Variants in UTP20 observed in about 807,000 individuals in gnomAD.
UTP20 encodes the protein UTP20 small subunit processome component.
A neutral mutation model predicts 329.5 loss-of-function variants in UTP20; 164 were observed. The ratio of observed to expected loss-of-function variants is 0.50; its 90% CI spans 0.44 to 0.57. UTP20 has a LOEUF of 0.57. Ranked by LOEUF, UTP20 falls within the 20% of genes least tolerant of loss-of-function variation. The pLI is 0.00. For synonymous variants in UTP20, 1,151 were observed against 1,159.3 expected (o/e 0.99, Z 0.14); for missense variants, 3,055 against 3,284.2 (o/e 0.93, Z 1.71).
At chr12:101,332,959 G>A (rs1354222809) in intron 27 of UTP20, among the ~76,000 whole-genome samples, 2 of 152,138 alleles carry the variant, frequency 1.3e-5, no homozygotes, top group Non-Finnish European at 2.9e-5. Context: ...GCTTTGTTTA[G>A]AATGTTCTGT....
chr12:101,384,467 T>G (rs1454870407), intron 60 of UTP20, among the ~76,000 whole-genome samples: 1 of 152,130 alleles, frequency 6.6e-6, no homozygotes, highest in Non-Finnish European at 1.5e-5. Context: ...CTTGAGGCTG[T>G]GAGGTCGAGG....
intron 26 of UTP20, 96 bp from the exon 27 acceptor site, chr12:101,329,145 G>T: frequency 9.4e-7 from 1 of 1,068,114 alleles, no homozygotes; most frequent in East Asian, 2.5e-5. Flanking sequence ...AGAAAATACT[G>T]TATTATTAAG....
intron 21 of UTP20, among the ~76,000 whole-genome samples, chr12:101,313,352 AAGTC>A (rs1593428648): frequency 6.6e-6 from 1 of 152,148 alleles, no homozygotes; most frequent in East Asian, 1.9e-4. Context: ...TGAGGGCAGA[AAGTC>A]AGCAGGAGAT....
intron 42 of UTP20, 73 bp downstream of exon 42, chr12:101,356,766 C>CT: frequency 1.3e-6 from 2 of 1,538,996 alleles, no homozygotes; most frequent in Non-Finnish European, 1.8e-6. Flanking sequence ...TTTTGAGTCT[C>CT]TTTTGTCAGG....
In UTP20 at chr12:101,320,936, A is replaced by G; in HGVS notation, c.2914A>G (p.Arg972Gly). Residue 972 changes from arginine (R) to glycine (G), a missense_variant and splice_region_variant, in exon 24 of 62, where the codon AGG becomes GGG. Physicochemically the swap from Arg to Gly is moderately radical, Grantham distance 125 (BLOSUM62 -2). Transcript: ENST00000261637. Reference protein sequence around the residue: ...TYKHPHVLPYRENLQRLLEDR... With the variant: ...TYKHPHVLPYGENLQRLLEDR... ...TAAACATCCTCATGTCCTCCCTTACAGGTAAGTTACTTGAAGCTTAAAGAA... is the reference window on the plus strand; with the variant it reads ...TAAACATCCTCATGTCCTCCCTTACGGGTAAGTTACTTGAAGCTTAAAGAA... 6.2e-7 allele frequency: 1 copy of G among 1,602,532 alleles called. No individual in the cohort carries two copies. The highest frequency in any genetic ancestry group is 8.5e-7 in the Non-Finnish European group (1 of 1,177,260).
chr12:101,331,121 T>C (rs187731257), intron 27 of UTP20, among the ~76,000 whole-genome samples: 10 of 152,350 alleles, frequency 6.6e-5, no homozygotes, highest in Admixed American at 6.5e-4. Context: ...CTCAATCATA[T>C]TGACTGTTCC....
Position 101,302,488 on chromosome 12 carries a change from A to G in UTP20, c.1716A>G (p.Leu572=), listed in dbSNP as rs766737505. The G allele has an allele frequency of 7.5e-6, 12 of 1,610,628 alleles. No individual in the cohort carries two copies. The highest frequency in any genetic ancestry group is 4.5e-5 in the East Asian group (2 of 44,764). Residue 572 remains leucine, a synonymous_variant, in exon 15 of 62, where the codon CTA becomes CTG. Coordinates refer to ENST00000261637, the MANE Select transcript of UTP20 (RefSeq NM_014503.3). ...TTTGTCAAGCTGTAAATACTCTACT[A>G]AGTTTGGAAGAATCTTCTGAACTTC... ...FVLCQAVNTL[L]SLEESSELLH...
Position 101,381,281 on chromosome 12 carries a change from C to G in UTP20, c.7656+70C>G, listed in dbSNP as rs1032810270. On this transcript the variant is annotated intron_variant, in intron 58 of 61. Coordinates refer to ENST00000261637, the MANE Select transcript of UTP20 (RefSeq NM_014503.3). ...GCATGGTGGCTCGCGCCTGTAATCC[C>G]AGCACTTTGAGAGGCCGAGGCGGCC... is the stretch of plus-strand genomic sequence containing the variant. 2.9e-6 allele frequency: 4 copies of G among 1,399,470 alleles called. No individual in the cohort carries two copies. In the African/African-American group the frequency reaches 4.3e-5, roughly 15 times the overall value. The allele number at this position is 1,399,470 out of a possible 1,614,324, so 86.7% of individuals were successfully genotyped here.
chr12:101,338,008 C>T (rs1325455600), intron 29 of UTP20, 43 bp from the exon 30 acceptor site: 3 of 1,561,992 alleles, frequency 1.9e-6, no homozygotes, highest in Admixed American at 1.7e-5. Flanking sequence ...TAGAAGTGAA[C>T]ATATTGAGAA....
chr12:101,369,481 T>A (rs1337908041), intron 48 of UTP20, among the ~76,000 whole-genome samples: 1 of 152,148 alleles, frequency 6.6e-6, no homozygotes, highest in Non-Finnish European at 1.5e-5. Flanking sequence ...TTTTCTTATT[T>A]CCTCATGATC....
At chr12:101,375,943 AC>A (rs1870457350) in intron 56 of UTP20, among the ~76,000 whole-genome samples, 187 bp downstream of exon 56, 1 of 152,202 alleles carries the variant, frequency 6.6e-6, no homozygotes, top group African/African-American at 2.4e-5. Flanking sequence ...TGAAAAAAAA[AC>A]GTATCTATGA....
In UTP20 at chr12:101,342,541, A is replaced by C. The variant is rs371852792; in HGVS notation, c.4197A>C (p.Ser1399=). 1.1e-5 allele frequency: 18 copies of C among 1,613,654 alleles called. No homozygotes were observed. The Admixed American group carries it at 2.8e-4, about 25-fold the overall frequency. ...TCAAGCCTATAGCAAAACTTTTCTC[A>C]GTTATTAAGAACAAATTGTCAAGAA... ...SFLKPIAKLF[S]VIKNKLSRKL... Residue 1399 remains serine (S), a synonymous_variant, in exon 33 of 62, where the codon TCA becomes TCC. Coordinates refer to ENST00000261637, the MANE Select transcript of UTP20 (RefSeq NM_014503.3).
rs1410168260 is a variant in UTP20, at chr12:101,305,931, C to T, written c.1798C>T (p.Pro600Ser). The T allele has an allele frequency of 1.2e-6, 2 of 1,605,162 alleles. No individual in the cohort carries two copies. The highest frequency in any genetic ancestry group is 2.3e-5 in the East Asian group (1 of 44,408). ...TCGTTGCAGAACCTTTCCCCTGGAG[C>T]CATCTGTGTTGCTGTTGACTGATCT... The part of the protein sequence containing the change: ...KNLVLTFPLE[P>S]SVLLLTDLYY... The change falls in exon 16 of 62, where the codon CCA becomes TCA. Residue 600 changes from proline to serine, a missense_variant. Pro to Ser is a moderately conservative substitution (Grantham distance 74, BLOSUM62 -1). Coordinates refer to ENST00000261637, the MANE Select transcript of UTP20 (RefSeq NM_014503.3).
Position 101,312,155 on chromosome 12 carries a change from T to C in UTP20, c.2431T>C (p.Cys811Arg). ...TGAGCAGTTAGCATTGAAAACTGAC[T>C]GTCAGGAAAGACTTGACCACACCAA... ...YHEQLALKTD[C>R]QERLDHTNFR... Residue 811 changes from cysteine (C) to arginine (R), a missense_variant, in exon 21 of 62, where the codon TGT becomes CGT. This residue lies in a region of UTP20 where 2,445 missense variants were observed against 2,575.5 expected (regional missense o/e 0.95). Coordinates refer to ENST00000261637, the MANE Select transcript of UTP20 (RefSeq NM_014503.3). 1 of 1,614,216 alleles carries C rather than the reference T, an allele frequency of 6.2e-7. No individual in the cohort carries two copies.
intron 10 of UTP20, among the ~76,000 whole-genome samples, chr12:101,292,523 A>G (rs2290722): frequency 0.12 from 18,851 of 152,158 alleles, 2,566 homozygotes; most frequent in East Asian, 0.47. Context: ...ATATTGAATT[A>G]TAACTATTAA....
chr12:101,356,438 T>C (rs931525176), intron 41 of UTP20, 116 bp from the exon 42 acceptor site: 2 of 1,032,516 alleles, frequency 1.9e-6, no homozygotes, highest in Non-Finnish European at 2.7e-6. Context: ...TTCTTTCTTC[T>C]TTTTATGATC....
At chr12:101,352,944 A>C (rs1869585745) in intron 39 of UTP20, 103 bp from the exon 40 acceptor site, 1 of 558,408 alleles carries the variant, frequency 1.8e-6, no homozygotes, top group Non-Finnish European at 2.8e-6. Context: ...AATACTAATA[A>C]AAATAATTTT....
chr12:101,336,486 C>A (rs1448304685), intron 29 of UTP20, among the ~76,000 whole-genome samples: 1 of 152,114 alleles, frequency 6.6e-6, no homozygotes, highest in Non-Finnish European at 1.5e-5. Flanking sequence ...TTTGTCCAAA[C>A]TGAAAAACTC....
At chr12:101,366,238 A>G (rs1870092589) in intron 46 of UTP20, among the ~76,000 whole-genome samples, 2 of 152,186 alleles carry the variant, frequency 1.3e-5, no homozygotes, top group South Asian at 2.1e-4. Context: ...TCAAAAAACA[A>G]AATCTTATAT....
Sources: gnomAD v4.1 joint callset for allele counts (sites outside exome capture counted in the v4.1 genomes callset) on GRCh38, gnomAD v4.1.1 for gene constraint, gnomAD v4.1.1 regional missense constraint, MANE v1.5 for transcripts, NCBI Gene and HGNC (gene_info 2026-07-23, HGNC 2026-07-21) for gene names.